SLC15A5: variants seen among roughly 807,000 people sequenced by gnomAD.
SLC15A5 encodes solute carrier family 15 member 5.
Under a neutral mutation model 56.1 loss-of-function variants are expected in SLC15A5, and 58 were observed. That is an observed-to-expected ratio of 1.03 (90% CI 0.84 to 1.29). The LOEUF is 1.29. SLC15A5 is among the 50% of genes most tolerant of loss of function. SLC15A5 has a pLI of 0.00. For synonymous variants in SLC15A5, 264 were observed against 250.5 expected, an observed-to-expected ratio of 1.05 and a Z score of -0.51; for missense variants, 681 against 672.1, an observed-to-expected ratio of 1.01 and a Z score of -0.15.
intron 3 of SLC15A5, among the ~76,000 whole-genome samples, chr12:16,246,919 A>T (rs577834679): frequency 2.2e-4 from 33 of 152,232 alleles, no homozygotes; most frequent in Admixed American, 8.5e-4. Context: ...ATGAGTTTTT[A>T]AAAAAATATC....
chr12:16,196,750 A>G lies in SLC15A5; in HGVS notation c.1484-2297T>C, dbSNP rs116124091. On this transcript the variant is annotated intron_variant, in intron 7 of 8. Transcript: ENST00000344941. This position sits in a 1 kb window ranked among gnomAD's most constrained non-coding sequence, Gnocchi z 4.0. ...TCTTGGAGCATGAATTCTGGTCCAT[A>G]ATAAGTAATTGAAAAGACTATATTA... 1.2e-3 allele frequency among the ~76,000 whole-genome samples: 177 copies of G among 152,292 alleles called. No individual in the cohort carries two copies. Among genetic ancestry groups the G allele is most frequent in the African/African-American group, 4.1e-3 (171 of 41,576 alleles).
intron 6 of SLC15A5, among the ~76,000 whole-genome samples, chr12:16,218,400 A>T (rs1864151889): frequency 6.6e-6 from 1 of 152,176 alleles, no homozygotes; most frequent in Non-Finnish European, 1.5e-5. Flanking sequence ...TAGAAAACAG[A>T]TGTGCAGTCA....
intron 7 of SLC15A5, among the ~76,000 whole-genome samples, chr12:16,210,352 T>A (rs1293998897): frequency 2.9e-5 from 1 of 34,856 alleles, no homozygotes; most frequent in African/African-American, 8.0e-5. Context: ...ACTTTCTAAT[T>A]TCTTCTTCTC....
chr12:16,240,460 A>G (rs1279792014), intron 4 of SLC15A5, among the ~76,000 whole-genome samples: 10 of 152,134 alleles, frequency 6.6e-5, no homozygotes, highest in Admixed American at 6.6e-4. Context: ...GAGGAAAAAA[A>G]AACCTTGTGT....
chr12:16,195,545 T>C (rs1231902773), intron 7 of SLC15A5, among the ~76,000 whole-genome samples: 7 of 152,090 alleles, frequency 4.6e-5, no homozygotes, highest in African/African-American at 1.4e-4. Flanking sequence ...TTATCATCTT[T>C]GAAGACACCA....
At chr12:16,227,387 C>T (rs1246048943) in intron 5 of SLC15A5, among the ~76,000 whole-genome samples, 1 of 152,094 alleles carries the variant, frequency 6.6e-6, no homozygotes, top group Admixed American at 6.6e-5. Flanking sequence ...CTGCTATATG[C>T]AAGATAGTAT....
At position 16,239,847 on chromosome 12, in the gene SLC15A5, CA is replaced by C; in HGVS notation, c.995del (p.Leu332ArgfsTer4). On this transcript the variant is annotated frameshift_variant, in exon 5 of 9. Transcript: ENST00000344941. LOFTEE classifies it high-confidence loss of function. The stretch of plus-strand genomic sequence containing the variant: ...AATTCAGGTTGGAATTCATAGTTTG[CA>C]GATAATATCCTGAAGGAATCTGTAT... ...CIMQIPSGYY[L>X]QTMNSNLNLD... 1 of 1,537,030 alleles carries C rather than the reference CA, an allele frequency of 6.5e-7. No homozygotes were observed. The highest frequency in any genetic ancestry group is 8.7e-7 in the Non-Finnish European group (1 of 1,146,816).
intron 8 of SLC15A5, 31 bp from the exon 9 acceptor site, chr12:16,189,846 G>A (rs990641651): frequency 1.3e-4 from 188 of 1,424,582 alleles, no homozygotes; most frequent in Non-Finnish European, 1.7e-4. Flanking sequence ...GCTTTTCTTA[G>A]GACCAGATGT....
intron 3 of SLC15A5, among the ~76,000 whole-genome samples, chr12:16,253,646 AAATCCTTTGAGCTC>A (rs1158719048): frequency 6.6e-6 from 1 of 152,014 alleles, no homozygotes; most frequent in African/African-American, 2.4e-5. Flanking sequence ...TGAGGTGGGA[AAATCCTTTGAGCTC>A]AGGATTTTGA....
rs1303701243 is a variant in SLC15A5, at chr12:16,189,476, A to C, written c.*192T>G. On this transcript the variant is annotated 3_prime_UTR_variant, in exon 9 of 9. Coordinates refer to ENST00000344941, the MANE Select transcript of SLC15A5 (RefSeq NM_001170798.1). ...ATTATTTTATTAATTCTAATGCTATAACATGTTAATGCAAAAGCATGACAG... is the reference window on the plus strand; with the variant it reads ...ATTATTTTATTAATTCTAATGCTATCACATGTTAATGCAAAAGCATGACAG... 1 of 412,336 alleles carries C rather than the reference A, an allele frequency of 2.4e-6. No individual in the cohort carries two copies. Among genetic ancestry groups the C allele is most frequent in the African/African-American group, 2.0e-5 (1 of 48,800 alleles). The allele number at this position is 412,336 out of a possible 1,614,324, so 25.5% of individuals were successfully genotyped here.
At position 16,196,994 on chromosome 12, in the gene SLC15A5, C is replaced by A. The variant is rs1192873688; in HGVS notation, c.1484-2541G>T. On this transcript the variant is annotated intron_variant, in intron 7 of 8. Transcript: ENST00000344941. The surrounding 1 kb of genome is among the most constrained non-coding windows in gnomAD (Gnocchi z 4.0). ...TTGGTATTTGGGAGTTTGTGGGTGA[C>A]AGGAGAGAAGGACATTTGTACTAGA... is the stretch of plus-strand genomic sequence containing the variant. 1.3e-5 allele frequency among the ~76,000 whole-genome samples: 2 copies of A among 150,852 alleles called. No individual in the cohort carries two copies. Among genetic ancestry groups the A allele is most frequent in the East Asian group, 3.9e-4 (2 of 5,124 alleles).
rs944098837 is a variant in SLC15A5, at chr12:16,243,173, G to A, written c.975+1407C>T. 1.3e-5 allele frequency among the ~76,000 whole-genome samples: 2 copies of A among 151,148 alleles called. No individual in the cohort carries two copies. The highest frequency in any genetic ancestry group is 2.4e-5 in the African/African-American group (1 of 41,148). ...TTCTGATAAAACTTCATTTATGGAC[G>A]CTAAAATTTAAATTTTATATATTTT... On this transcript the variant is annotated intron_variant, in intron 4 of 8. Transcript: ENST00000344941. This position sits in a 1 kb window ranked among gnomAD's most constrained non-coding sequence, Gnocchi z 4.4.
chr12:16,249,342 T>C (rs1034924707), intron 3 of SLC15A5, among the ~76,000 whole-genome samples: 4 of 152,094 alleles, frequency 2.6e-5, no homozygotes, highest in Non-Finnish European at 2.9e-5. Flanking sequence ...AATTTCCAAT[T>C]TAGTCATCAG....
intron 5 of SLC15A5, 54 bp from the exon 6 acceptor site, chr12:16,224,656 A>T (rs1216645888): frequency 3.1e-5 from 45 of 1,458,668 alleles, no homozygotes; most frequent in Non-Finnish European, 3.6e-5. Flanking sequence ...CTAGAGATTC[A>T]TGTAATAAGC....
intron 5 of SLC15A5, among the ~76,000 whole-genome samples, chr12:16,233,286 A>T (rs1864316179): frequency 6.6e-6 from 1 of 152,230 alleles, no homozygotes; most frequent in Non-Finnish European, 1.5e-5. Context: ...GTAAAAGGCC[A>T]GTAATAAGTA....
intron 1 of SLC15A5, 36 bp from the exon 2 acceptor site, chr12:16,272,819 T>C: frequency 6.7e-7 from 1 of 1,498,034 alleles, no homozygotes; most frequent in Non-Finnish European, 9.0e-7. Flanking sequence ...AAATGTAGCA[T>C]AGAACAAGTG....
At position 16,243,747 on chromosome 12, in the gene SLC15A5, C is replaced by G. The variant is rs772994198; in HGVS notation, c.975+833G>C. Among the ~76,000 whole-genome samples, 1 of 152,096 alleles carries G rather than the reference C, an allele frequency of 6.6e-6. No homozygotes were observed. The highest frequency in any genetic ancestry group is 1.5e-5 in the Non-Finnish European group (1 of 68,026). On this transcript the variant is annotated intron_variant, in intron 4 of 8. Transcript: ENST00000344941. This position sits in a 1 kb window ranked among gnomAD's most constrained non-coding sequence, Gnocchi z 4.4. ...ATTAACTGTGACCTACGGTGCCTCA[C>G]CTCTACCAAAAGAAAGTCACTTAAT...
At chr12:16,250,513 C>T (rs953584153) in intron 3 of SLC15A5, among the ~76,000 whole-genome samples, 2 of 151,814 alleles carry the variant, frequency 1.3e-5, no homozygotes, top group Non-Finnish European at 2.9e-5. Context: ...AAATATGTTA[C>T]GAATTAAGGT....
chr12:16,259,077 G>C (rs1390190218), intron 2 of SLC15A5, among the ~76,000 whole-genome samples: 1 of 117,572 alleles, frequency 8.5e-6, no homozygotes, highest in Non-Finnish European at 1.6e-5. Flanking sequence ...TGTCACCCAG[G>C]CTGGAATGCA....
Sources: allele counts gnomAD v4.1 joint callset (sites outside exome capture counted in the v4.1 genomes callset), GRCh38; gene constraint gnomAD v4.1.1; non-coding constraint Gnocchi (gnomAD v3.1); transcripts MANE v1.5; gene names NCBI Gene and HGNC (gene_info 2026-07-23, HGNC 2026-07-21).